NMNAT1: variants seen among roughly 807,000 people sequenced by gnomAD.
NMNAT1 encodes the protein nicotinamide/nicotinic acid mononucleotide adenylyltransferase 1.
Under a neutral mutation model 16.7 loss-of-function variants are expected in NMNAT1, and 11 were observed. The observed-to-expected ratio is 0.66, with a 90% CI of 0.41 to 1.09. The LOEUF is 1.09. Ranked by LOEUF, NMNAT1 falls within the 50% of genes least tolerant of loss-of-function variation. The pLI is 0.00. For missense variants in NMNAT1, 280 were observed against 332.3 expected (o/e 0.84, Z 1.22); for synonymous variants, 110 against 119.8 (o/e 0.92, Z 0.53).
chr1:9,965,680 G>A (rs1641526154), intron 1 of NMNAT1, among the ~76,000 whole-genome samples: 1 of 152,102 alleles, frequency 6.6e-6, no homozygotes, highest in African/African-American at 2.4e-5. Context: ...TGGGATTACA[G>A]GTGTGAGCAA....
intron 1 of NMNAT1, among the ~76,000 whole-genome samples, chr1:9,944,551 T>C (rs542885007): frequency 5.3e-5 from 8 of 152,202 alleles, no homozygotes; most frequent in Non-Finnish European, 1.0e-4. Flanking sequence ...ACAAGAGCTG[T>C]GTTGCCCAGG....
At chr1:9,990,628 G>A in the NMNAT1 span, among the ~76,000 whole-genome samples, 1 of 152,290 alleles carries the variant, frequency 6.6e-6, no homozygotes, top group East Asian at 1.9e-4. Context: ...GTAGGGAGGG[G>A]AGGTATGGAT....
downstream of NMNAT1, among the ~76,000 whole-genome samples, chr1:9,987,735 G>A (rs376301071): frequency 9.7e-4 from 147 of 151,964 alleles, 1 homozygote; most frequent in African/African-American, 3.3e-3. Context: ...AGGCTGAGGT[G>A]AGAAGATTGC....
At chr1:9,956,780 G>A (rs1420963138) in intron 1 of NMNAT1, among the ~76,000 whole-genome samples, 1 of 143,858 alleles carries the variant, frequency 7.0e-6, no homozygotes, top group Admixed American at 7.2e-5. Context: ...CACCCAGGCT[G>A]GAATGTAATG....
intron 1 of NMNAT1, among the ~76,000 whole-genome samples, chr1:9,962,089 C>T (rs1488970812): frequency 6.6e-6 from 1 of 152,004 alleles, no homozygotes. Flanking sequence ...TTCTTACTTC[C>T]ATTTCCACTG....
chr1:9,965,194 G>C (rs530579370), intron 1 of NMNAT1, among the ~76,000 whole-genome samples: 35 of 149,556 alleles, frequency 2.3e-4, no homozygotes, highest in South Asian at 1.3e-3. Context: ...GCGTGGGCCT[G>C]TAGTCCCAGA....
intron 1 of NMNAT1, among the ~76,000 whole-genome samples, chr1:9,968,197 G>A (rs1192829083): frequency 4.1e-5 from 6 of 146,308 alleles, no homozygotes; most frequent in Non-Finnish European, 7.5e-5. Flanking sequence ...TCAGCCTCCC[G>A]AGTAGCTGGG....
chr1:9,991,185 ATTT>A, the NMNAT1 span, among the ~76,000 whole-genome samples: 44 of 139,602 alleles, frequency 3.2e-4, no homozygotes, highest in Admixed American at 6.5e-4. Flanking sequence ...AGTCAGCTGA[ATTT>A]TTTTTTTTTT....
the NMNAT1 span, among the ~76,000 whole-genome samples, chr1:9,996,592 T>C: frequency 3.9e-5 from 6 of 152,284 alleles, no homozygotes; most frequent in African/African-American, 1.2e-4. Flanking sequence ...TAATTTCTTT[T>C]CTTTTTTCCA....
chr1:9,981,979 T>A (rs1197935760), intron 4 of NMNAT1, among the ~76,000 whole-genome samples: 1 of 152,182 alleles, frequency 6.6e-6, no homozygotes, highest in African/African-American at 2.4e-5. Flanking sequence ...TTCTCCTGCC[T>A]CAGCCTCTCA....
chr1:9,952,830 C>T (rs866485005), intron 1 of NMNAT1, among the ~76,000 whole-genome samples: 9 of 152,000 alleles, frequency 5.9e-5, no homozygotes, highest in African/African-American at 1.7e-4. Context: ...TGAGCCACCA[C>T]GCTCGGCTAG....
chr1:9,992,040 C>T, the NMNAT1 span, among the ~76,000 whole-genome samples: 1 of 151,830 alleles, frequency 6.6e-6, no homozygotes, highest in Non-Finnish European at 1.5e-5. Flanking sequence ...CAAAGCGAGA[C>T]TCTGTCTCTA....
At chr1:9,949,410 C>CTTTTTTT (rs35755485) in intron 1 of NMNAT1, among the ~76,000 whole-genome samples, 10 of 118,108 alleles carry the variant, frequency 8.5e-5, no homozygotes, top group Non-Finnish European at 1.2e-4. Context: ...TCTTCCACTG[C>CTTTTTTT]TTTTTTTTTT....
downstream of NMNAT1, among the ~76,000 whole-genome samples, chr1:9,988,255 A>G (rs1642070832): frequency 6.6e-6 from 1 of 150,824 alleles, no homozygotes. Context: ...TTGGCCTCCC[A>G]AAGTGTGGGG....
chr1:9,953,291 T>C (rs1011569737), intron 1 of NMNAT1, among the ~76,000 whole-genome samples: 4 of 151,212 alleles, frequency 2.6e-5, no homozygotes, highest in African/African-American at 7.3e-5. Flanking sequence ...TTTTTTTTTT[T>C]TTTTGAGACG....
intron 1 of NMNAT1, among the ~76,000 whole-genome samples, chr1:9,964,018 A>G (rs1641485940): frequency 6.6e-6 from 1 of 151,686 alleles, no homozygotes; most frequent in Non-Finnish European, 1.5e-5. Flanking sequence ...CAGCCTCCCA[A>G]GTAGCTGGGA....
At position 9,975,689 on chromosome 1, in the gene NMNAT1, A is replaced by C. The variant is rs201020918; in HGVS notation, c.213A>C (p.Glu71Asp). Residue 71 changes from glutamate (E) to aspartate (D), a missense_variant, in exon 3 of 5, where the codon GAA becomes GAC. Coordinates refer to ENST00000377205, the MANE Select transcript of NMNAT1 (RefSeq NM_022787.4). ...IPAYHRVIMA[E>D]LATKNSKWVE... ...CCTATCACCGGGTCATCATGGCAGA[A>C]CTTGCTACCAAGAATTCTAAATGGG... The C allele has an allele frequency of 4.0e-5, 65 of 1,614,134 alleles. No individual in the cohort carries two copies. The highest frequency in any genetic ancestry group is 5.3e-5 in the Non-Finnish European group (63 of 1,179,998).
chr1:9,943,672 T>G (rs560718603), intron 1 of NMNAT1, among the ~76,000 whole-genome samples, 157 bp downstream of exon 1: 2 of 152,322 alleles, frequency 1.3e-5, no homozygotes, highest in Admixed American at 6.5e-5. Flanking sequence ...ACCCTTAATT[T>G]TTTCAGTGGA....
intron 2 of NMNAT1, among the ~76,000 whole-genome samples, chr1:9,974,262 G>T (rs1318729830): frequency 6.6e-6 from 1 of 151,236 alleles, no homozygotes; most frequent in African/African-American, 2.4e-5. Context: ...TGTCACCCTG[G>T]CTGGGCAGGC....
Sources: gnomAD v4.1 joint callset for allele counts (sites outside exome capture counted in the v4.1 genomes callset) on GRCh38, gnomAD v4.1.1 for gene constraint, MANE v1.5 for transcripts, NCBI Gene and HGNC (gene_info 2026-07-23, HGNC 2026-07-21) for gene names.